Variants in MAPK10 observed in about 807,000 individuals in gnomAD.
MAPK10 encodes mitogen-activated protein kinase 10, also known as JNK3 alpha protein kinase.
MAPK10 carries 25 observed loss-of-function variants against 59.3 expected under a neutral mutation model. The ratio of observed to expected loss-of-function variants is 0.42; its 90% confidence interval spans 0.31 to 0.59. The LOEUF is 0.59. Ranked by LOEUF, MAPK10 falls within the 20% of genes least tolerant of loss-of-function variation. The probability of loss-of-function intolerance (pLI) is 0.15; values close to 1 mark genes in which losing one functional copy is unlikely to be tolerated. For synonymous variants in MAPK10, 190 were observed against 200.5 expected (o/e 0.95, Z 0.44); for missense variants, 351 against 568.9 (o/e 0.62, Z 3.90).
chr4:86,079,752 G>A (rs1216034545), intron 9 of MAPK10: 1 of 152,142 alleles, frequency 6.6e-6, no homozygotes, highest in Non-Finnish European at 1.5e-5. Flanking sequence ...TGTTCTGTAA[G>A]ACCAAATCGG....
At chr4:86,424,251 C>T (rs188646519) in intron 1 of MAPK10, among the ~76,000 whole-genome samples, 127 of 151,988 alleles carry the variant, frequency 8.4e-4, no homozygotes, top group African/African-American at 3.0e-3. Context: ...TGCCCAGTGG[C>T]GCAATCTCGA....
intron 1 of MAPK10, among the ~76,000 whole-genome samples, chr4:86,468,016 G>A (rs931844795): frequency 5.9e-5 from 9 of 152,270 alleles, no homozygotes; most frequent in East Asian, 1.9e-4. Context: ...TGCTTGCCCC[G>A]CCGGTCGGCC....
chr4:86,520,750 G>A (rs1219269905), intron 1 of MAPK10, among the ~76,000 whole-genome samples: 1 of 152,132 alleles, frequency 6.6e-6, no homozygotes, highest in Non-Finnish European at 1.5e-5. Context: ...TTTTTCAGTG[G>A]AAGATTCTGG....
At chr4:86,032,754 C>T (rs6848433) in intron 11 of MAPK10, among the ~76,000 whole-genome samples, 1 of 152,100 alleles carries the variant, frequency 6.6e-6, no homozygotes, top group Non-Finnish European at 1.5e-5. Context: ...GCCTCACATC[C>T]TGCAAAGTAT....
At chr4:86,043,451 T>A (rs2148944920) in intron 11 of MAPK10, among the ~76,000 whole-genome samples, 1 of 152,268 alleles carries the variant, frequency 6.6e-6, no homozygotes, top group Middle Eastern at 3.4e-3. Context: ...TGTCAATGTT[T>A]AAAAAGTGAA....
intron 1 of MAPK10, among the ~76,000 whole-genome samples, chr4:86,450,031 T>C (rs1424620615): frequency 1.3e-5 from 2 of 152,210 alleles, no homozygotes; most frequent in African/African-American, 2.4e-5. Context: ...GATGTAATCT[T>C]GGGAAACTCT....
chr4:86,109,932 A>G (rs1460880458), intron 4 of MAPK10, among the ~76,000 whole-genome samples: 1 of 152,190 alleles, frequency 6.6e-6, no homozygotes, highest in African/African-American at 2.4e-5. Flanking sequence ...TGTGAATGAC[A>G]TAAGATGGTA....
intron 1 of MAPK10, among the ~76,000 whole-genome samples, chr4:86,466,462 C>T (rs1321754479): frequency 6.6e-6 from 1 of 152,076 alleles, no homozygotes; most frequent in African/African-American, 2.4e-5. Context: ...ATGATATGGC[C>T]CGTTGTAGGC....
At chr4:86,413,620 A>G (rs1247163347) in intron 1 of MAPK10, among the ~76,000 whole-genome samples, 1 of 152,144 alleles carries the variant, frequency 6.6e-6, no homozygotes, top group Non-Finnish European at 1.5e-5. Flanking sequence ...AGCCTCAGCA[A>G]TGGCAGACAC....
At chr4:86,537,781 G>A (rs1758360512) in intron 1 of MAPK10, among the ~76,000 whole-genome samples, 1 of 151,934 alleles carries the variant, frequency 6.6e-6, no homozygotes, top group African/African-American at 2.4e-5. Flanking sequence ...GGCTTATCTG[G>A]GCACTATTTT....
In MAPK10 at chr4:86,279,690, G is replaced by C. The variant is rs534968915; in HGVS notation, c.-7+74840C>G. Among the ~76,000 whole-genome samples, 25 of 152,152 alleles carry C rather than the reference G, an allele frequency of 1.6e-4. No individual in the cohort carries two copies. In the East Asian group the frequency reaches 4.3e-3, roughly 26 times the overall value. The stretch of plus-strand genomic sequence containing the variant: ...CAATGAAGCTGACATTACTAGGGGG[G>C]GCTCAACTAACCAAACACTCCCAAT... On this transcript the variant is annotated intron_variant, in intron 2 of 13. Coordinates refer to ENST00000641462, the MANE Select transcript of MAPK10 (RefSeq NM_138982.4).
chr4:86,571,327 CGT>C (rs34133535), intron 1 of MAPK10, among the ~76,000 whole-genome samples: 36,332 of 139,376 alleles, frequency 0.26, 4,796 homozygotes, highest in Admixed American at 0.32. Flanking sequence ...TATATATATA[CGT>C]GTGTGTGTGT....
chr4:86,470,041 C>T (rs1367668293), intron 1 of MAPK10, among the ~76,000 whole-genome samples: 1 of 152,180 alleles, frequency 6.6e-6, no homozygotes, highest in African/African-American at 2.4e-5. Context: ...TAAGCAAATC[C>T]TTTAGACCAA....
intron 3 of MAPK10, among the ~76,000 whole-genome samples, chr4:86,171,377 A>T (rs1220857631): frequency 6.6e-6 from 1 of 152,152 alleles, no homozygotes; most frequent in Non-Finnish European, 1.5e-5. Context: ...ACCAAAACAG[A>T]GATATAGATC....
intron 1 of MAPK10, among the ~76,000 whole-genome samples, chr4:86,464,144 C>T (rs1347076943): frequency 1.3e-5 from 2 of 152,192 alleles, no homozygotes; most frequent in Non-Finnish European, 2.9e-5. Context: ...ACTCATTAAA[C>T]CCATTTAGCT....
chr4:86,098,661 T>C (rs113627060), intron 8 of MAPK10, 66 bp from the exon 9 acceptor site: 1 of 1,263,042 alleles, frequency 7.9e-7, no homozygotes, highest in Non-Finnish European at 1.2e-6. Context: ...GATAATTGAC[T>C]TCTGAAGGAG....
intron 1 of MAPK10, among the ~76,000 whole-genome samples, chr4:86,449,217 A>C (rs1257122023): frequency 6.6e-6 from 1 of 152,022 alleles, no homozygotes; most frequent in Non-Finnish European, 1.5e-5. Flanking sequence ...TCCAAGTGTC[A>C]TTTTTAAATC....
intron 2 of MAPK10, among the ~76,000 whole-genome samples, chr4:86,284,758 CAT>C (rs1563973287): frequency 6.6e-6 from 1 of 152,176 alleles, no homozygotes; most frequent in Non-Finnish European, 1.5e-5. Flanking sequence ...TCAGCCTTTT[CAT>C]GGATATAGAA....
intron 13 of MAPK10, among the ~76,000 whole-genome samples, chr4:86,018,700 G>A (rs17011324): frequency 0.075 from 11,458 of 152,252 alleles, 515 homozygotes; most frequent in African/African-American, 0.085. Flanking sequence ...AGCAATCTGA[G>A]TGGTAACACA....
Sources: gnomAD v4.1 joint callset for allele counts (sites outside exome capture counted in the v4.1 genomes callset) on GRCh38, gnomAD v4.1.1 for gene constraint, MANE v1.5 for transcripts, NCBI Gene and HGNC (gene_info 2026-07-23, HGNC 2026-07-21) for gene names.